PRKAG2: variants seen among roughly 807,000 people sequenced by gnomAD.
The protein encoded by PRKAG2 is protein kinase AMP-activated non-catalytic subunit gamma 2, also known as 5'-AMP-activated protein kinase subunit gamma-2.
Under a neutral mutation model 69.6 loss-of-function variants are expected in PRKAG2, and 26 were observed. That is an observed-to-expected ratio of 0.37 (90% confidence interval 0.27 to 0.52). The LOEUF (loss-of-function observed/expected upper bound fraction) is 0.52, where lower values mean the gene tolerates loss of function less well. Ranked by LOEUF, PRKAG2 falls within the 20% of genes least tolerant of loss-of-function variation. The pLI is 0.90. For synonymous variants in PRKAG2, 293 were observed against 285.0 expected (o/e 1.03, Z -0.28); for missense variants, 557 against 740.0 (o/e 0.75, Z 2.87).
At chr7:151,773,025 G>GAAAGAAAGAAAGAA (rs762104825) in intron 3 of PRKAG2, among the ~76,000 whole-genome samples, 19 of 40,032 alleles carry the variant, frequency 4.7e-4, no homozygotes, top group African/African-American at 7.8e-4. Context: ...AAGAAAGAAA[G>GAAAGAAAGAAAGAA]AGAGAGAGAG....
intron 3 of PRKAG2, chr7:151,736,501 T>C (rs1799835463): frequency 6.2e-6 from 5 of 802,752 alleles, no homozygotes; most frequent in Non-Finnish European, 7.5e-6. Flanking sequence ...TTAAACAGAC[T>C]GTAAAAGGAA....
chr7:151,692,107 A>C (rs1835756974), intron 3 of PRKAG2, among the ~76,000 whole-genome samples: 2 of 152,038 alleles, frequency 1.3e-5, no homozygotes, highest in Non-Finnish European at 2.9e-5. Context: ...AGGATTACTT[A>C]AGTCTGGGAG....
intron 3 of PRKAG2, among the ~76,000 whole-genome samples, chr7:151,745,072 G>A (rs2074188600): frequency 6.6e-6 from 1 of 152,184 alleles, no homozygotes; most frequent in Non-Finnish European, 1.5e-5. Flanking sequence ...CTCATCAGGG[G>A]GCCATCAAGA....
At chr7:151,736,383 CTTTTT>C (rs34632609) in intron 3 of PRKAG2, 658 of 912,078 alleles carry the variant, frequency 7.2e-4, no homozygotes, top group East Asian at 3.1e-3. Flanking sequence ...CTCTCCAGGG[CTTTTT>C]TTTTTTTTTT....
intron 3 of PRKAG2, among the ~76,000 whole-genome samples, chr7:151,716,485 G>A (rs958776650): frequency 5.9e-5 from 9 of 152,122 alleles, no homozygotes; most frequent in Admixed American, 5.2e-4. Context: ...CACAAGTCCT[G>A]GCCTCACCAC....
rs546434646 is a variant in PRKAG2, at chr7:151,807,547, C to A, written c.115-21006G>T. 2.2e-6 allele frequency: 1 copy of A among 457,882 alleles called. No homozygotes were observed. The highest frequency in any genetic ancestry group is 4.4e-6 in the Non-Finnish European group (1 of 226,984). The allele number at this position is 457,882 out of a possible 1,614,324, so 28.4% of individuals were successfully genotyped here. A position where few individuals can be genotyped will look rare whatever the true frequency, so the allele number is the denominator to read the frequency against. On this transcript the variant is annotated intron_variant, in intron 1 of 15. Transcript: ENST00000287878. The surrounding 1 kb of genome is among the most constrained non-coding windows in gnomAD (Gnocchi z 4.4). Reference sequence around the variant, plus strand: ...CTACGAGCTGAAATGGCCAGCACTGCGCCTTCCAGAACCCAGCGTAGATGC... The same window carrying A: ...CTACGAGCTGAAATGGCCAGCACTGAGCCTTCCAGAACCCAGCGTAGATGC...
chr7:151,831,656 G>A (rs1284464880), intron 1 of PRKAG2, among the ~76,000 whole-genome samples: 1 of 152,166 alleles, frequency 6.6e-6, no homozygotes, highest in Non-Finnish European at 1.5e-5. Context: ...GCAGGAAAAC[G>A]TGTTCTGATA....
At chr7:151,861,457 G>C (rs1050707334) in intron 1 of PRKAG2, among the ~76,000 whole-genome samples, 1 of 150,076 alleles carries the variant, frequency 6.7e-6, no homozygotes, top group African/African-American at 2.4e-5. Context: ...GAACCCGGGA[G>C]GCTGAGGTTG....
At chr7:151,815,585 C>A (rs954137864) in intron 1 of PRKAG2, among the ~76,000 whole-genome samples, 2 of 152,202 alleles carry the variant, frequency 1.3e-5, no homozygotes, top group African/African-American at 4.8e-5. Flanking sequence ...GCTCCCTCTG[C>A]CTCCTGCCCA....
chr7:151,777,469 C>T lies in PRKAG2; in HGVS notation c.466+3683G>A, dbSNP rs970560450. ...CATGAATGGCTGGGTTGCCTCCCTG[C>T]GGCAGTGAGTCCTGCTCTCTTAGCT... On this transcript the variant is annotated intron_variant, in intron 3 of 15. Coordinates refer to ENST00000287878, the MANE Select transcript of PRKAG2 (RefSeq NM_016203.4). This position sits in a 1 kb window ranked among gnomAD's most constrained non-coding sequence, Gnocchi z 4.3. Among the ~76,000 whole-genome samples the T allele has an allele frequency of 1.1e-4, 17 of 152,322 alleles. No individual in the cohort carries two copies. The highest frequency in any genetic ancestry group is 1.9e-4 in the East Asian group (1 of 5,178).
intron 4 of PRKAG2, among the ~76,000 whole-genome samples, chr7:151,663,113 C>A (rs1420688242): frequency 6.6e-6 from 1 of 152,084 alleles, no homozygotes; most frequent in African/African-American, 2.4e-5. Flanking sequence ...CAAATCTGAA[C>A]AAGTCCCTCC....
At chr7:151,874,209 ATATG>A (rs2080307778) in intron 1 of PRKAG2, among the ~76,000 whole-genome samples, 1 of 135,132 alleles carries the variant, frequency 7.4e-6, no homozygotes, top group South Asian at 2.3e-4. Context: ...ATGTATATGT[ATATG>A]TATATGATGT....
At chr7:151,764,832 C>T (rs1161253248) in intron 3 of PRKAG2, among the ~76,000 whole-genome samples, 1 of 152,228 alleles carries the variant, frequency 6.6e-6, no homozygotes, top group Admixed American at 6.5e-5. Flanking sequence ...GAGACAGGGA[C>T]TCCTTCCCCA....
At chr7:151,645,122 C>T (rs1342843662) in intron 4 of PRKAG2, among the ~76,000 whole-genome samples, 1 of 152,162 alleles carries the variant, frequency 6.6e-6, no homozygotes, top group African/African-American at 2.4e-5. Context: ...TATCCCTCTT[C>T]TTGAGTGTGA....
At chr7:151,706,472 A>T (rs1554551939) in intron 3 of PRKAG2, among the ~76,000 whole-genome samples, 1 of 152,062 alleles carries the variant, frequency 6.6e-6, no homozygotes, top group Non-Finnish European at 1.5e-5. Context: ...CTATCTCCCC[A>T]CCTGGGACAG....
intron 3 of PRKAG2, among the ~76,000 whole-genome samples, chr7:151,747,426 G>A (rs1018408305): frequency 3.9e-5 from 6 of 152,034 alleles, no homozygotes; most frequent in Non-Finnish European, 5.9e-5. Context: ...GCGTGGTGGC[G>A]GGCGCCTGTA....
intron 4 of PRKAG2, among the ~76,000 whole-genome samples, chr7:151,656,693 A>T (rs1371275816): frequency 6.6e-6 from 1 of 152,236 alleles, no homozygotes; most frequent in East Asian, 1.9e-4. Flanking sequence ...CCAATGTCTT[A>T]GGTAGCATGT....
chr7:151,602,061 G>A (rs1816226901), intron 5 of PRKAG2, among the ~76,000 whole-genome samples: 2 of 152,274 alleles, frequency 1.3e-5, no homozygotes, highest in African/African-American at 4.8e-5. Context: ...TCTCATGAGA[G>A]CGGCACAGAG....
intron 1 of PRKAG2, among the ~76,000 whole-genome samples, chr7:151,803,206 C>T (rs984246513): frequency 6.6e-6 from 1 of 152,098 alleles, no homozygotes; most frequent in East Asian, 1.9e-4. Flanking sequence ...GATCTGCCTG[C>T]CTCAGCCTTC....
Sources: gnomAD v4.1 joint callset for allele counts (sites outside exome capture counted in the v4.1 genomes callset) on GRCh38, gnomAD v4.1.1 for gene constraint, Gnocchi (gnomAD v3.1) non-coding constraint, MANE v1.5 for transcripts, NCBI Gene and HGNC (gene_info 2026-07-23, HGNC 2026-07-21) for gene names.